The following ADAP2 variants were observed in gnomAD, a reference collection of about 807,000 sequenced individuals.
ADAP2 encodes ArfGAP with dual PH domains 2.
ADAP2 carries 42 observed loss-of-function variants against 54.9 expected under a neutral mutation model. The observed-to-expected ratio is 0.77, with a 90% CI of 0.60 to 0.99. The LOEUF is 0.99. ADAP2 is among the 50% of genes least tolerant of loss of function. The probability of loss-of-function intolerance (pLI) is 0.00; values close to 1 mark genes in which losing one functional copy is unlikely to be tolerated. For missense variants in ADAP2, 429 were observed against 480.4 expected (o/e 0.89, Z 1.00); for synonymous variants, 177 against 180.1 (o/e 0.98, Z 0.14).
intron 5 of ADAP2, among the ~76,000 whole-genome samples, chr17:30,942,627 T>G (rs762257217): frequency 6.6e-6 from 1 of 152,230 alleles, no homozygotes; most frequent in Non-Finnish European, 1.5e-5. Context: ...GAAAATAGAT[T>G]GATAACTTTT....
intron 2 of ADAP2, among the ~76,000 whole-genome samples, chr17:30,926,569 G>A (rs1911071671): frequency 6.6e-6 from 1 of 152,186 alleles, no homozygotes; most frequent in African/African-American, 2.4e-5. Context: ...AATGAGTACA[G>A]TGATATGAAA....
chr17:30,949,402 C>G (rs1200364192), intron 7 of ADAP2, 32 bp downstream of exon 7: 2 of 1,578,650 alleles, frequency 1.3e-6, no homozygotes, highest in Admixed American at 3.3e-5. Flanking sequence ...ATTTCTGAAT[C>G]TCCTCTTGGC....
chr17:30,930,035 C>T (rs570454469), intron 3 of ADAP2, among the ~76,000 whole-genome samples: 30 of 145,424 alleles, frequency 2.1e-4, no homozygotes, highest in Non-Finnish European at 2.4e-4. Flanking sequence ...TGATTGTAAG[C>T]GACAGAAACC....
chr17:30,939,761 A>G (rs1912132771), intron 5 of ADAP2, among the ~76,000 whole-genome samples: 1 of 148,352 alleles, frequency 6.7e-6, no homozygotes, highest in African/African-American at 2.5e-5. Flanking sequence ...AAAGAGCAAA[A>G]TTCCATTTCC....
chr17:30,957,923 G>A lies in ADAP2; in HGVS notation c.*54G>A. ...GAACACCTGGAACTCCTTGTGGGAA[G>A]AAGTTTGCACCTCGGCCCTGGCTGC... On this transcript the variant is annotated 3_prime_UTR_variant, in exon 11 of 11. Coordinates refer to ENST00000330889, the MANE Select transcript of ADAP2 (RefSeq NM_018404.3). 6.3e-7 allele frequency: 1 copy of A among 1,581,158 alleles called. No homozygotes were observed. Among genetic ancestry groups the A allele is most frequent in the Non-Finnish European group, 8.7e-7 (1 of 1,155,966 alleles).
rs961064956 is a variant in ADAP2 at position 30,958,737 on chromosome 17, A to T, written c.*868A>T. ...AGACCCCATCTCTACAAAGAAAAAA[A>T]AATTAGCTGGACATGGTAATGAATG... On this transcript the variant is annotated 3_prime_UTR_variant, in exon 11 of 11. Transcript: ENST00000330889. 2 of 152,264 alleles carry T rather than the reference A, an allele frequency of 1.3e-5. No homozygotes were observed. The highest frequency in any genetic ancestry group is 4.8e-5 in the African/African-American group (2 of 41,436). The allele number at this position is 152,264 out of a possible 1,614,324, so 9.4% of individuals were successfully genotyped here.
At chr17:30,954,647 A>C (rs1192210405) in intron 9 of ADAP2, 92 bp downstream of exon 9, 4 of 1,096,792 alleles carry the variant, frequency 3.6e-6, no homozygotes, top group Non-Finnish European at 4.1e-6. Flanking sequence ...AGATAAACAC[A>C]TCTCCCAGAG....
intron 2 of ADAP2, 60 bp from the exon 3 acceptor site, chr17:30,926,767 T>C: frequency 6.9e-7 from 1 of 1,459,330 alleles, no homozygotes; most frequent in South Asian, 1.1e-5. Context: ...AGTGGCCTCA[T>C]AGTTTCATTT....
intron 5 of ADAP2, among the ~76,000 whole-genome samples, chr17:30,935,421 G>A (rs1391688759): frequency 6.6e-6 from 1 of 152,060 alleles, no homozygotes; most frequent in East Asian, 1.9e-4. Flanking sequence ...AACAATGAGA[G>A]TGTGTTAGGG....
intron 5 of ADAP2, among the ~76,000 whole-genome samples, chr17:30,942,370 C>A (rs1179849868): frequency 6.6e-6 from 1 of 152,174 alleles, no homozygotes; most frequent in Non-Finnish European, 1.5e-5. Context: ...GGGAACTATT[C>A]TATTTCATTG....
chr17:30,957,966 C>A lies in ADAP2; in HGVS notation c.*97C>A. ...CTGGCTGCCCACCATCAGTGCCCCG[C>A]AGTCAGCAGCCATTCCTGGCAGTGA... On this transcript the variant is annotated 3_prime_UTR_variant, in exon 11 of 11. Coordinates refer to ENST00000330889, the MANE Select transcript of ADAP2 (RefSeq NM_018404.3). 1 of 1,148,506 alleles carries A rather than the reference C, an allele frequency of 8.7e-7. No homozygotes were observed. Among genetic ancestry groups the A allele is most frequent in the Non-Finnish European group, 1.3e-6 (1 of 776,896 alleles). 71.1% of individuals were successfully genotyped at this position (1,148,506 alleles called of 1,614,324 possible).
At chr17:30,944,234 C>T (rs913881289) in intron 5 of ADAP2, among the ~76,000 whole-genome samples, 3 of 152,068 alleles carry the variant, frequency 2.0e-5, no homozygotes, top group Admixed American at 1.3e-4. Context: ...CTCTCAGCAA[C>T]GTGGATTGAT....
intron 2 of ADAP2, among the ~76,000 whole-genome samples, 185 bp downstream of exon 2, chr17:30,923,255 A>G (rs1041316432): frequency 2.7e-5 from 4 of 146,128 alleles, no homozygotes; most frequent in Non-Finnish European, 6.0e-5. Flanking sequence ...TGGCTCTATC[A>G]TTTGCTTACT....
At chr17:30,934,531 A>C (rs985246692) in intron 5 of ADAP2, among the ~76,000 whole-genome samples, 1 of 152,200 alleles carries the variant, frequency 6.6e-6, no homozygotes, top group African/African-American at 2.4e-5. Flanking sequence ...TTTGATGACC[A>C]CTTGGTTTTG....
intron 7 of ADAP2, among the ~76,000 whole-genome samples, chr17:30,950,588 T>TAAA (rs1904556969): frequency 6.6e-6 from 1 of 152,206 alleles, no homozygotes; most frequent in Admixed American, 6.5e-5. Flanking sequence ...AAAACCATTT[T>TAAA]AATGCTGGGA....
rs776516647 is a variant in ADAP2, at chr17:30,926,818, G to A, written c.226-9G>A. 2.4e-5 allele frequency: 38 copies of A among 1,613,628 alleles called. No individual in the cohort carries two copies. The highest frequency in any genetic ancestry group is 3.2e-5 in the Non-Finnish European group (38 of 1,179,698). On this transcript the variant is annotated splice_polypyrimidine_tract_variant and intron_variant, in intron 2 of 10. Transcript: ENST00000330889. ...TCTAATATTACCTCAGGTTGCTGTT[G>A]TCTTGCAGTTTATGATCCACAATGG...
chr17:30,937,793 A>C (rs1325939939), intron 5 of ADAP2, among the ~76,000 whole-genome samples: 1 of 152,226 alleles, frequency 6.6e-6, no homozygotes, highest in Non-Finnish European at 1.5e-5. Flanking sequence ...ATAAAACTAC[A>C]AGAATAGATT....
intron 2 of ADAP2, among the ~76,000 whole-genome samples, chr17:30,924,559 C>G (rs1048633194): frequency 1.3e-5 from 2 of 152,124 alleles, no homozygotes; most frequent in African/African-American, 2.4e-5. Flanking sequence ...AGAAAACCTC[C>G]AGAGAGCAGG....
chr17:30,952,573 G>A (rs539662936), intron 7 of ADAP2, among the ~76,000 whole-genome samples: 3 of 152,032 alleles, frequency 2.0e-5, no homozygotes, highest in East Asian at 3.9e-4. Flanking sequence ...GTGGGGTTTC[G>A]CCATGTTGGC....
Sources: allele counts gnomAD v4.1 joint callset (sites outside exome capture counted in the v4.1 genomes callset), GRCh38; gene constraint gnomAD v4.1.1; transcripts MANE v1.5; gene names NCBI Gene and HGNC (gene_info 2026-07-23, HGNC 2026-07-21).